TASP1: variants seen among roughly 807,000 people sequenced by gnomAD.
The protein encoded by TASP1 is taspase 1.
In TASP1, 16 loss-of-function variants were observed where a neutral mutation model predicts 56.6. The observed-to-expected ratio is 0.28, with a 90% CI of 0.19 to 0.43. The LOEUF (loss-of-function observed/expected upper bound fraction) is 0.43. Ranked by LOEUF, TASP1 falls within the 20% of genes least tolerant of loss-of-function variation. The pLI is 1.00. For synonymous variants in TASP1, 179 were observed against 184.2 expected, an observed-to-expected ratio of 0.97 and a Z score of 0.23; for missense variants, 393 against 511.6, an observed-to-expected ratio of 0.77 and a Z score of 2.24.
the TASP1 span, among the ~76,000 whole-genome samples, chr20:13,158,571 C>T: frequency 1.3e-5 from 2 of 152,178 alleles, no homozygotes; most frequent in African/African-American, 2.4e-5. Context: ...CAATTATGAG[C>T]TCTCATTCTG....
intron 10 of TASP1, among the ~76,000 whole-genome samples, chr20:13,520,488 T>C (rs1228776516): frequency 6.6e-6 from 1 of 152,124 alleles, no homozygotes; most frequent in Non-Finnish European, 1.5e-5. Flanking sequence ...AACCATCTGG[T>C]CTTTGACAAA....
At chr20:13,443,549 T>C (rs1479442915) in intron 11 of TASP1, among the ~76,000 whole-genome samples, 2 of 152,208 alleles carry the variant, frequency 1.3e-5, no homozygotes, top group African/African-American at 4.8e-5. Flanking sequence ...GTAACTGCTA[T>C]GGAATGAAAC....
In TASP1 at chr20:13,402,923, G is replaced by A. The variant is rs377030323; in HGVS notation, c.1171-12471C>T. Among the ~76,000 whole-genome samples, 6 of 152,306 alleles carry A rather than the reference G, an allele frequency of 3.9e-5. No homozygotes were observed. The East Asian group carries it at 1.2e-3, about 29-fold the overall frequency. The stretch of plus-strand genomic sequence containing the variant: ...AAGAGAAATTTAACACAGCTAGTAA[G>A]GAATATTCTCCCTTCTTCTTTCAAA... On this transcript the variant is annotated intron_variant, in intron 13 of 13. Transcript: ENST00000337743.
intron 13 of TASP1, 33 bp downstream of exon 13, chr20:13,417,415 G>A: frequency 6.2e-7 from 1 of 1,612,674 alleles, no homozygotes; most frequent in Non-Finnish European, 8.5e-7. Flanking sequence ...TGGCTACAAG[G>A]TTTTCAGGTT....
the TASP1 span, among the ~76,000 whole-genome samples, chr20:13,319,601 C>G: frequency 6.6e-6 from 1 of 152,228 alleles, no homozygotes; most frequent in East Asian, 1.9e-4. Context: ...CACATTCTAT[C>G]TCCTTTATTT....
At chr20:13,126,756 C>T in the TASP1 span, 4 of 1,609,882 alleles carry the variant, frequency 2.5e-6, no homozygotes, top group Non-Finnish European at 3.4e-6. Flanking sequence ...CTGGACCTCT[C>T]TGTCTCCCTT....
At chr20:13,190,588 G>A in the TASP1 span, among the ~76,000 whole-genome samples, 1 of 152,042 alleles carries the variant, frequency 6.6e-6, no homozygotes, top group Non-Finnish European at 1.5e-5. Flanking sequence ...AACTCAAAAT[G>A]GATTGAAGAC....
At chr20:13,578,878 G>C (rs557550539) in intron 6 of TASP1, among the ~76,000 whole-genome samples, 2 of 152,090 alleles carry the variant, frequency 1.3e-5, no homozygotes, top group Non-Finnish European at 2.9e-5. Flanking sequence ...TATCCATTAA[G>C]TACATCCAAC....
At chr20:13,552,804 ACT>A in intron 8 of TASP1, among the ~76,000 whole-genome samples, 1 of 152,204 alleles carries the variant, frequency 6.6e-6, no homozygotes. Context: ...TAAATAAAAC[ACT>A]GTTAATGTTT....
chr20:13,451,485 C>G (rs918916990), intron 11 of TASP1, among the ~76,000 whole-genome samples: 1 of 152,198 alleles, frequency 6.6e-6, no homozygotes, highest in Admixed American at 6.6e-5. Flanking sequence ...CTTGTGGCAG[C>G]TTCTCCATAA....
chr20:13,128,902 G>A, the TASP1 span, among the ~76,000 whole-genome samples: 1 of 137,956 alleles, frequency 7.2e-6, no homozygotes, highest in Admixed American at 7.6e-5. Context: ...TGGAGACAGA[G>A]TTTCGCTCTT....
intron 13 of TASP1, among the ~76,000 whole-genome samples, chr20:13,397,551 C>A (rs1026896286): frequency 3.9e-5 from 6 of 152,100 alleles, no homozygotes. Context: ...TGAAGACTTA[C>A]CATGAAGGAG....
chr20:13,546,754 G>A lies in TASP1; in HGVS notation c.675+12254C>T, dbSNP rs117933627. On this transcript the variant is annotated intron_variant, in intron 8 of 13. Coordinates refer to ENST00000337743, the MANE Select transcript of TASP1 (RefSeq NM_017714.3). ...GGGCACTTCCTGACTCACCTCTTTGGAATGGCCAGTGGAGATTGTGGGCTG... is the reference window on the plus strand; with the variant it reads ...GGGCACTTCCTGACTCACCTCTTTGAAATGGCCAGTGGAGATTGTGGGCTG... Among the ~76,000 whole-genome samples, 110 of 152,274 alleles carry A rather than the reference G, an allele frequency of 7.2e-4. No individual in the cohort carries two copies. The East Asian group carries it at 0.019, about 26-fold the overall frequency.
chr20:13,514,903 A>C (rs560001171), intron 10 of TASP1, among the ~76,000 whole-genome samples: 1 of 152,326 alleles, frequency 6.6e-6, no homozygotes, highest in Non-Finnish European at 1.5e-5. Flanking sequence ...ACATTCAATA[A>C]CAAGTTAATA....
At chr20:13,260,244 G>A in the TASP1 span, among the ~76,000 whole-genome samples, 363 of 152,282 alleles carry the variant, frequency 2.4e-3, no homozygotes, top group Non-Finnish European at 3.3e-3. Flanking sequence ...TTACAGTGTC[G>A]GGGGGTCCTG....
chr20:13,387,183 C>CTTTTT (rs1568732036), downstream of TASP1, among the ~76,000 whole-genome samples: 12 of 94,958 alleles, frequency 1.3e-4, 2 homozygotes, highest in African/African-American at 4.5e-4. Flanking sequence ...GACATGATTT[C>CTTTTT]ATTTTTTTTT....
chr20:13,164,258 C>A, the TASP1 span: 1 of 444,706 alleles, frequency 2.2e-6, no homozygotes. Context: ...TTCTGGGACA[C>A]AGAGATGAGT....
At chr20:13,277,643 C>CTT in the TASP1 span, among the ~76,000 whole-genome samples, 3 of 145,682 alleles carry the variant, frequency 2.1e-5, no homozygotes, top group Non-Finnish European at 4.5e-5. Context: ...CCCCCCTACC[C>CTT]TTTTTTTTTT....
At chr20:13,465,598 G>C (rs2044224973) in intron 11 of TASP1, among the ~76,000 whole-genome samples, 1 of 151,986 alleles carries the variant, frequency 6.6e-6, no homozygotes. Flanking sequence ...GTACTTCAGT[G>C]AGTAAAAGGT....
Sources: allele counts gnomAD v4.1 joint callset (sites outside exome capture counted in the v4.1 genomes callset), GRCh38; gene constraint gnomAD v4.1.1; transcripts MANE v1.5; gene names NCBI Gene and HGNC (gene_info 2026-07-23, HGNC 2026-07-21).